The following GPHN variants were observed in gnomAD, a reference collection of about 807,000 sequenced individuals.
The protein encoded by GPHN is gephyrin.
GPHN carries 17 observed loss-of-function variants against 95.5 expected under a neutral mutation model. That is an observed-to-expected ratio of 0.18 (90% CI 0.12 to 0.27). The LOEUF is 0.27. GPHN is among the 10% of genes least tolerant of loss of function. GPHN has a pLI of 1.00. For missense variants in GPHN, 660 were observed against 978.1 expected (o/e 0.67, Z 4.34); for synonymous variants, 320 against 322.5 (o/e 0.99, Z 0.08).
intron 1 of GPHN, among the ~76,000 whole-genome samples, chr14:66,605,644 C>T (rs1322294089): frequency 1.3e-5 from 2 of 151,182 alleles, no homozygotes; most frequent in Non-Finnish European, 2.9e-5. Flanking sequence ...ATTTTCCTGC[C>T]TCAGCCTCCC....
chr14:67,071,911 AG>A (rs951099535), intron 11 of GPHN, among the ~76,000 whole-genome samples: 5 of 152,142 alleles, frequency 3.3e-5, no homozygotes, highest in South Asian at 4.1e-4. Context: ...CCAAAAAGGA[AG>A]GGGGGGTTAA....
At chr14:66,903,938 T>C (rs904911407) in intron 5 of GPHN, among the ~76,000 whole-genome samples, 4 of 152,212 alleles carry the variant, frequency 2.6e-5, no homozygotes, top group African/African-American at 9.6e-5. Context: ...AAAAATCTTT[T>C]ACACTTTACT....
At chr14:67,713,034 T>C in the GPHN span, among the ~76,000 whole-genome samples, 1 of 151,978 alleles carries the variant, frequency 6.6e-6, no homozygotes, top group African/African-American at 2.4e-5. Context: ...ATAGAATTGA[T>C]GAAACCCAAC....
At chr14:67,428,530 TAAGTACTTTGTCC>T in the GPHN span, among the ~76,000 whole-genome samples, 4 of 152,212 alleles carry the variant, frequency 2.6e-5, no homozygotes, top group Admixed American at 6.5e-5. Flanking sequence ...CCAGAAAAGT[TAAGTACTTTGTCC>T]AAGTCACACA....
chr14:67,634,491 G>C, the GPHN span, among the ~76,000 whole-genome samples: 10 of 151,600 alleles, frequency 6.6e-5, no homozygotes, highest in African/African-American at 2.4e-4. Context: ...CTACTTGGGA[G>C]GCTGAGGTAG....
chr14:66,766,936 ATTTT>A (rs1022066057), intron 2 of GPHN, among the ~76,000 whole-genome samples: 1 of 151,872 alleles, frequency 6.6e-6, no homozygotes, highest in Non-Finnish European at 1.5e-5. Flanking sequence ...ATTTCCCCCC[ATTTT>A]TAAAAAAACT....
chr14:66,996,244 A>C, intron 9 of GPHN: 1 of 1,392,282 alleles, frequency 7.2e-7, no homozygotes, highest in Non-Finnish European at 9.8e-7. Flanking sequence ...GTTTTCTTAC[A>C]TGGTCAATAA....
At chr14:66,965,065 C>A in intron 8 of GPHN, 126 bp from the exon 9 acceptor site, 2 of 791,654 alleles carry the variant, frequency 2.5e-6, no homozygotes, top group Middle Eastern at 7.0e-4. Context: ...GCATTTATAC[C>A]TAACAGTAAG....
intron 18 of GPHN, among the ~76,000 whole-genome samples, chr14:67,150,440 C>CAAAAA (rs1416536191): frequency 0.12 from 1,998 of 16,700 alleles, 31 homozygotes; most frequent in Non-Finnish European, 0.16. Context: ...GACTCCGTCT[C>CAAAAA]AAAAAAAAAA....
intron 9 of GPHN, among the ~76,000 whole-genome samples, chr14:67,010,591 A>C (rs1395343017): frequency 6.6e-6 from 1 of 151,834 alleles, no homozygotes; most frequent in Non-Finnish European, 1.5e-5. Context: ...AAGAATAAAG[A>C]AACATATGTA....
intron 2 of GPHN, among the ~76,000 whole-genome samples, chr14:66,737,831 G>A (rs940970983): frequency 2.0e-5 from 3 of 152,214 alleles, no homozygotes; most frequent in South Asian, 2.1e-4. Flanking sequence ...TTTTAGATGT[G>A]GTATGCTAGA....
At chr14:67,182,970 G>C (rs544855733), downstream of GPHN, among the ~76,000 whole-genome samples, 5 of 150,544 alleles carry the variant, frequency 3.3e-5, no homozygotes, top group South Asian at 8.4e-4. Flanking sequence ...ATCAGACTCC[G>C]AAAGTGCTGG....
At chr14:67,720,934 T>C in the GPHN span, 1 of 152,216 alleles carries the variant, frequency 6.6e-6, no homozygotes, top group Non-Finnish European at 1.5e-5. Flanking sequence ...GCAAGGATCT[T>C]AGATTTGAGT....
the GPHN span, among the ~76,000 whole-genome samples, chr14:67,324,530 T>A: frequency 6.6e-6 from 1 of 152,196 alleles, no homozygotes; most frequent in African/African-American, 2.4e-5. Flanking sequence ...AGATAGTCAT[T>A]AAAAGCATAT....
chr14:66,794,884 CA>C (rs1297433782), intron 3 of GPHN, among the ~76,000 whole-genome samples: 1 of 152,112 alleles, frequency 6.6e-6, no homozygotes, highest in Non-Finnish European at 1.5e-5. Context: ...GAGAGGTATA[CA>C]AAAATATCTA....
chr14:67,002,665 C>T (rs1037047064), intron 9 of GPHN, among the ~76,000 whole-genome samples: 17 of 151,340 alleles, frequency 1.1e-4, no homozygotes, highest in African/African-American at 4.1e-4. Context: ...CTCTGCACCT[C>T]ATATTCCTGT....
chr14:67,126,454 A>G (rs2079322345), intron 17 of GPHN, among the ~76,000 whole-genome samples: 1 of 152,242 alleles, frequency 6.6e-6, no homozygotes, highest in African/African-American at 2.4e-5. Context: ...TAGGATTTAG[A>G]TAGGAAAAGA....
chr14:67,471,058 G>A, the GPHN span: 18 of 152,288 alleles, frequency 1.2e-4, no homozygotes, highest in African/African-American at 1.9e-4. Context: ...CTTTGCTGGA[G>A]GTTTGATGCC....
chr14:67,200,981 G>A, the GPHN span, among the ~76,000 whole-genome samples: 1 of 152,146 alleles, frequency 6.6e-6, no homozygotes, highest in Non-Finnish European at 1.5e-5. Flanking sequence ...ATTCCTGACT[G>A]AACAGGTTTA....
Sources: gnomAD v4.1 joint callset for allele counts (sites outside exome capture counted in the v4.1 genomes callset) on GRCh38, gnomAD v4.1.1 for gene constraint, MANE v1.5 for transcripts, NCBI Gene and HGNC (gene_info 2026-07-23, HGNC 2026-07-21) for gene names.